The following CCDC102B variants were observed in gnomAD, a reference collection of about 807,000 sequenced individuals.
CCDC102B encodes coiled-coil domain-containing protein 102B.
A neutral mutation model predicts 57.4 loss-of-function variants in CCDC102B; 75 were observed. The ratio of observed to expected loss-of-function variants is 1.31; its 90% CI spans 1.08 to 1.58. The LOEUF (loss-of-function observed/expected upper bound fraction) is 1.58. Among genes scored for constraint, CCDC102B ranks in the 40% most tolerant of loss-of-function variants. The pLI, the probability that CCDC102B is intolerant of heterozygous loss-of-function variation, is 0.00. For missense variants in CCDC102B, 636 were observed against 582.6 expected (o/e 1.09, Z -0.94); for synonymous variants, 206 against 201.9 (o/e 1.02, Z -0.17).
intron 2 of CCDC102B, among the ~76,000 whole-genome samples, chr18:68,742,812 A>T (rs752363880): frequency 1.2e-4 from 18 of 152,198 alleles, no homozygotes; most frequent in Non-Finnish European, 2.2e-4. Flanking sequence ...TGTGCTGGGT[A>T]TAGAGACAGC....
chr18:68,797,540 G>A (rs1330568212), upstream of CCDC102B, among the ~76,000 whole-genome samples: 1 of 152,006 alleles, frequency 6.6e-6, no homozygotes, highest in African/African-American at 2.4e-5. Flanking sequence ...GCACCCCGGG[G>A]ACTACAGCTC....
chr18:68,897,764 A>T (rs1259262080), intron 6 of CCDC102B: 2 of 605,744 alleles, frequency 3.3e-6, no homozygotes, highest in Non-Finnish European at 4.9e-6. Flanking sequence ...CTTATTTCCA[A>T]TAAAGATTTT....
At chr18:68,809,481 G>A (rs576859360) in intron 1 of CCDC102B, among the ~76,000 whole-genome samples, 4 of 152,254 alleles carry the variant, frequency 2.6e-5, no homozygotes, top group African/African-American at 9.6e-5. Context: ...ATAATGTTCA[G>A]AGCAATTTGT....
intron 4 of CCDC102B, chr18:68,867,102 T>A (rs577589858): frequency 5.5e-6 from 1 of 181,150 alleles, no homozygotes; most frequent in South Asian, 1.3e-4. Flanking sequence ...CACTCTTGTC[T>A]CCAGTCTGGA....
chr18:68,744,060 T>C (rs1815866631), intron 2 of CCDC102B, among the ~76,000 whole-genome samples: 1 of 152,230 alleles, frequency 6.6e-6, no homozygotes, highest in Non-Finnish European at 1.5e-5. Context: ...TTAATGAGAC[T>C]ATATCCAACA....
At chr18:68,996,959 A>G (rs898012973) in intron 6 of CCDC102B, among the ~76,000 whole-genome samples, 11 of 152,166 alleles carry the variant, frequency 7.2e-5, no homozygotes, top group Non-Finnish European at 4.4e-5. Flanking sequence ...GAGAAACCAG[A>G]TGGAGCTAAT....
At chr18:68,904,144 A>G (rs1442966418) in intron 6 of CCDC102B, among the ~76,000 whole-genome samples, 1 of 152,180 alleles carries the variant, frequency 6.6e-6, no homozygotes, top group Non-Finnish European at 1.5e-5. Context: ...TATAGATAAC[A>G]TTATATTGGA....
chr18:69,018,704 T>C (rs1401178795), intron 7 of CCDC102B, among the ~76,000 whole-genome samples: 1 of 152,092 alleles, frequency 6.6e-6, no homozygotes, highest in Non-Finnish European at 1.5e-5. Context: ...TTGAAAAATG[T>C]TTATTTGTAT....
chr18:68,865,866 A>G (rs1171685713), intron 4 of CCDC102B, among the ~76,000 whole-genome samples: 1 of 152,200 alleles, frequency 6.6e-6, no homozygotes, highest in East Asian at 1.9e-4. Flanking sequence ...AAATTTTGAT[A>G]TTAGTTAAAA....
chr18:68,885,978 A>G (rs959614759), intron 5 of CCDC102B, among the ~76,000 whole-genome samples: 1 of 152,028 alleles, frequency 6.6e-6, no homozygotes, highest in Non-Finnish European at 1.5e-5. Context: ...GAGGCACTTC[A>G]TAACTTCAGG....
chr18:68,844,143 A>G (rs983026368), intron 3 of CCDC102B, among the ~76,000 whole-genome samples: 1 of 151,904 alleles, frequency 6.6e-6, no homozygotes, highest in Non-Finnish European at 1.5e-5. Flanking sequence ...GGAGGTAACT[A>G]TTACTTTCTT....
intron 2 of CCDC102B, among the ~76,000 whole-genome samples, chr18:68,775,681 G>A (rs1255713742): frequency 7.6e-6 from 1 of 132,052 alleles, no homozygotes; most frequent in Non-Finnish European, 1.6e-5. Flanking sequence ...TTTTTAAGGA[G>A]TCTTGCTCTG....
At chr18:68,952,320 T>G (rs556047092) in intron 6 of CCDC102B, among the ~76,000 whole-genome samples, 4 of 152,064 alleles carry the variant, frequency 2.6e-5, no homozygotes, top group Non-Finnish European at 5.9e-5. Context: ...ATCATAATAA[T>G]CAAATACATA....
At chr18:69,056,643 A>AGATAGATGGATG (rs1407192653), downstream of CCDC102B, among the ~76,000 whole-genome samples, 3 of 146,796 alleles carry the variant, frequency 2.0e-5, no homozygotes, top group African/African-American at 7.6e-5. Flanking sequence ...GATAATAGAT[A>AGATAGATGGATG]GATAGATAGA....
At chr18:68,828,322 C>CAAAAAAAAAAAAAAAAAAAAAAA (rs58180806) in intron 1 of CCDC102B, among the ~76,000 whole-genome samples, 1 of 80,802 alleles carries the variant, frequency 1.2e-5, no homozygotes, top group Non-Finnish European at 2.3e-5. Flanking sequence ...ACCCTATTTA[C>CAAAAAAAAAAAAAAAAAAAAAAA]AAAAAAAAAA....
chr18:68,879,375 G>C (rs888116393), intron 5 of CCDC102B, among the ~76,000 whole-genome samples: 2 of 152,204 alleles, frequency 1.3e-5, no homozygotes, highest in Middle Eastern at 3.4e-3. Flanking sequence ...AAGGGGACTC[G>C]AGCGGGTTGC....
At chr18:68,898,060 A>T (rs1007794156) in intron 6 of CCDC102B, among the ~76,000 whole-genome samples, 7 of 152,028 alleles carry the variant, frequency 4.6e-5, no homozygotes, top group Non-Finnish European at 8.8e-5. Context: ...ATAGACGGAC[A>T]TTTTTTTGAT....
intron 6 of CCDC102B, among the ~76,000 whole-genome samples, chr18:68,969,675 TG>T (rs1327467912): frequency 2.0e-5 from 3 of 152,026 alleles, no homozygotes; most frequent in African/African-American, 7.2e-5. Context: ...TATTTTGTTG[TG>T]TTTTTTTGTG....
At chr18:68,956,359 TAA>T (rs1491095404) in intron 6 of CCDC102B, among the ~76,000 whole-genome samples, 8 of 41,686 alleles carry the variant, frequency 1.9e-4, no homozygotes, top group African/African-American at 6.6e-4. Context: ...TTAATATATA[TAA>T]TATATATATA....
Sources: allele counts gnomAD v4.1 joint callset (sites outside exome capture counted in the v4.1 genomes callset), GRCh38; gene constraint gnomAD v4.1.1; transcripts MANE v1.5; gene names NCBI Gene and HGNC (gene_info 2026-07-23, HGNC 2026-07-21).